KPNA7: variants seen among roughly 807,000 people sequenced by gnomAD.
The protein encoded by KPNA7 is importin subunit alpha-8.
Under a neutral mutation model 53.7 loss-of-function variants are expected in KPNA7, and 54 were observed. The observed-to-expected ratio is 1.01, with a 90% CI of 0.81 to 1.26. The LOEUF (loss-of-function observed/expected upper bound fraction) is 1.26. KPNA7 is among the 50% of genes most tolerant of loss of function. KPNA7 has a pLI of 0.00. For synonymous variants in KPNA7, 276 were observed against 259.3 expected, an observed-to-expected ratio of 1.06 and a Z score of -0.62; for missense variants, 640 against 644.5, an observed-to-expected ratio of 0.99 and a Z score of 0.07.
At chr7:99,160,181 T>C in the KPNA7 span, among the ~76,000 whole-genome samples, 8 of 150,998 alleles carry the variant, frequency 5.3e-5, no homozygotes, top group African/African-American at 2.0e-4. Context: ...CCCGCCACCA[T>C]GCTAGGCTAA....
chr7:99,173,163 A>T (rs1360227932), downstream of KPNA7, among the ~76,000 whole-genome samples: 3 of 151,940 alleles, frequency 2.0e-5, no homozygotes, highest in East Asian at 5.8e-4. Flanking sequence ...ACCTTTTAAA[A>T]GGCAATTACT....
At chr7:99,205,315 G>A (rs943191017) in intron 2 of KPNA7, among the ~76,000 whole-genome samples, 1 of 140,210 alleles carries the variant, frequency 7.1e-6, no homozygotes, top group African/African-American at 2.6e-5. Context: ...GGTAGGCTGA[G>A]GCAGGAGAAT....
chr7:99,172,250 T>C (rs1343224833), downstream of KPNA7, among the ~76,000 whole-genome samples: 1 of 152,178 alleles, frequency 6.6e-6, no homozygotes, highest in Admixed American at 6.6e-5. Context: ...TACAAAAGCA[T>C]AGACTAGAAT....
upstream of KPNA7, among the ~76,000 whole-genome samples, chr7:99,209,682 CAAAAAAAAAAAAA>C (rs60377276): frequency 0.016 from 1,164 of 73,652 alleles, 17 homozygotes; most frequent in Middle Eastern, 0.054. Context: ...GACTCCAACT[CAAAAAAAAAAAAA>C]AAAAAAAAAA....
At chr7:99,162,656 A>G in the KPNA7 span, among the ~76,000 whole-genome samples, 2 of 152,180 alleles carry the variant, frequency 1.3e-5, no homozygotes, top group Non-Finnish European at 2.9e-5. Context: ...AAGAGAAGGA[A>G]AAAAAGAGGT....
intron 7 of KPNA7, among the ~76,000 whole-genome samples, chr7:99,185,780 C>A (rs1034202024): frequency 3.3e-5 from 5 of 150,592 alleles, no homozygotes; most frequent in African/African-American, 1.2e-4. Flanking sequence ...GCTAAATTGA[C>A]GATAGTGTTT....
Position 99,180,771 on chromosome 7 carries a change from C to G in KPNA7, c.1317+1112G>C, listed in dbSNP as rs866179009. 1.5e-3 allele frequency among the ~76,000 whole-genome samples: 134 copies of G among 88,830 alleles called. 5 individuals are homozygous for G. Among genetic ancestry groups the G allele is most frequent in the African/African-American group, 5.2e-3 (126 of 24,418 alleles). The allele number at this position is 88,830 out of a possible 152,430, so 58.3% of individuals were successfully genotyped here. The stretch of plus-strand genomic sequence containing the variant: ...TCTCTCTCTCTCTCCCCGTCTGTGT[C>G]TCTCTCTCTCTCCCCGTCTGTGTCT... On this transcript the variant is annotated intron_variant, in intron 9 of 10. Transcript: ENST00000327442.
intron 1 of KPNA7, among the ~76,000 whole-genome samples, chr7:99,213,915 A>T (rs1203091321): frequency 6.6e-6 from 1 of 151,568 alleles, no homozygotes; most frequent in African/African-American, 2.4e-5. Flanking sequence ...GGCCCAAAAC[A>T]TTTATTATGT....
chr7:99,203,184 A>T lies in KPNA7; in HGVS notation c.123T>A (p.Asp41Glu), dbSNP rs767943846. ...TATTCCTTCTCTTTAAGGTCTGTTC[A>T]TCTTTCTTGGCCTTTCGGAGCTCCA... ...VSLELRKAKK[D>E]EQTLKRRNIT... The change falls in exon 3 of 11, where the codon GAT becomes GAA. Residue 41 changes from aspartate (D) to glutamate (E), a missense_variant. Asp to Glu is a conservative substitution (Grantham distance 45, BLOSUM62 2). Coordinates refer to ENST00000327442, the MANE Select transcript of KPNA7 (RefSeq NM_001145715.3). The T allele has an allele frequency of 1.3e-6, 2 of 1,551,502 alleles. No individual in the cohort carries two copies. Among genetic ancestry groups the T allele is most frequent in the African/African-American group, 1.4e-5 (1 of 73,022 alleles).
upstream of KPNA7, among the ~76,000 whole-genome samples, chr7:99,212,468 G>A (rs982048141): frequency 6.6e-6 from 1 of 151,326 alleles, no homozygotes; most frequent in Admixed American, 6.6e-5. Flanking sequence ...TTGCTGAGCT[G>A]GTCTCAAACT....
chr7:99,181,932 T>A lies in KPNA7; in HGVS notation c.1268A>T (p.Asp423Val), dbSNP rs1197750819. 6 of 1,551,288 alleles carry A rather than the reference T, an allele frequency of 3.9e-6. No individual in the cohort carries two copies. Among genetic ancestry groups the A allele is most frequent in the Middle Eastern group, 1.7e-4 (1 of 6,008 alleles). Residue 423 changes from aspartate to valine, a missense_variant, in exon 9 of 11, where the codon GAT becomes GTT. By Grantham distance (152) the Asp-to-Val change is radical. Transcript: ENST00000327442. ...AAGGATGATGAGAACAATTTTAACA[T>A]CTGGGGCAGTGAGCAGATTCACCAG... Reference protein sequence around the residue: ...EPLVNLLTAPDVKIVLIILDV... With the variant: ...EPLVNLLTAPVVKIVLIILDV...
At chr7:99,212,767 G>C (rs1791109421), upstream of KPNA7, among the ~76,000 whole-genome samples, 1 of 151,956 alleles carries the variant, frequency 6.6e-6, no homozygotes, top group Admixed American at 6.6e-5. Flanking sequence ...CCGGCATCGT[G>C]ATGGGCACCT....
the KPNA7 span, among the ~76,000 whole-genome samples, chr7:99,167,337 C>CAGCA: frequency 6.6e-6 from 1 of 152,198 alleles, no homozygotes; most frequent in Non-Finnish European, 1.5e-5. Context: ...CCGGGCCACC[C>CAGCA]AGCAGGAGGT....
chr7:99,172,853 A>C (rs1798794285), downstream of KPNA7, among the ~76,000 whole-genome samples: 5 of 152,116 alleles, frequency 3.3e-5, 1 homozygote, highest in Admixed American at 3.3e-4. Context: ...ACCTGAGGTC[A>C]TGAGTTTGAG....
intron 2 of KPNA7, among the ~76,000 whole-genome samples, chr7:99,206,529 C>A (rs1790823651): frequency 6.6e-6 from 1 of 152,100 alleles, no homozygotes; most frequent in African/African-American, 2.4e-5. Flanking sequence ...AGTGCAGTGG[C>A]ACAATCACAG....
upstream of KPNA7, among the ~76,000 whole-genome samples, chr7:99,212,211 T>C (rs13310692): frequency 0.062 from 9,095 of 147,392 alleles, 314 homozygotes; most frequent in South Asian, 0.16. Context: ...TAGGAAACAC[T>C]GGTGTCCGAT....
intron 10 of KPNA7, among the ~76,000 whole-genome samples, chr7:99,175,939 ACT>A (rs1343797857): frequency 2.0e-5 from 3 of 152,194 alleles, no homozygotes; most frequent in East Asian, 1.9e-4. Context: ...GAGAAGTGTC[ACT>A]CTGTAAACTC....
chr7:99,184,827 A>T, intron 8 of KPNA7, 102 bp downstream of exon 8: 2 of 947,600 alleles, frequency 2.1e-6, no homozygotes, highest in Non-Finnish European at 3.3e-6. Context: ...CTCTGCTGTG[A>T]TCTCAATTTG....
At chr7:99,204,001 T>C (rs1790674527) in intron 2 of KPNA7, among the ~76,000 whole-genome samples, 1 of 152,136 alleles carries the variant, frequency 6.6e-6, no homozygotes, top group East Asian at 1.9e-4. Context: ...TGAGCAACTG[T>C]GCATGGCCCA....
Sources: allele counts gnomAD v4.1 joint callset (sites outside exome capture counted in the v4.1 genomes callset), GRCh38; gene constraint gnomAD v4.1.1; transcripts MANE v1.5; gene names NCBI Gene and HGNC (gene_info 2026-07-23, HGNC 2026-07-21).